SOCS6: variants seen among roughly 807,000 people sequenced by gnomAD.
The protein encoded by SOCS6 is STAT induced STAT inhibitor-4.
In SOCS6, 5 loss-of-function variants were observed where a neutral mutation model predicts 27.7. The observed-to-expected ratio is 0.18, with a 90% CI of 0.09 to 0.38. The LOEUF (loss-of-function observed/expected upper bound fraction) is 0.38. Ranked by LOEUF, SOCS6 falls within the 10% of genes least tolerant of loss-of-function variation. The probability of loss-of-function intolerance (pLI) is 1.00; values close to 1 mark genes in which losing one functional copy is unlikely to be tolerated. For missense variants in SOCS6, 595 were observed against 688.1 expected (o/e 0.86, Z 1.51); for synonymous variants, 271 against 260.0 (o/e 1.04, Z -0.41).
In SOCS6 at chr18:70,324,804, T is replaced by G. The variant is rs775229175; in HGVS notation, c.136T>G (p.Cys46Gly). 1.2e-6 allele frequency: 2 copies of G among 1,614,026 alleles called. No individual in the cohort carries two copies. The highest frequency in any genetic ancestry group is 1.7e-6 in the Non-Finnish European group (2 of 1,180,030). Residue 46 changes from cysteine (C) to glycine (G), a missense_variant, in exon 2 of 2, where the codon TGC (cysteine) becomes GGC (glycine). By Grantham distance (159) the Cys-to-Gly change is radical. Transcript: ENST00000397942. ...FGKDDSLFGS[C>G]YGKDMASCDI... ...AAAAGATGATTCCTTATTTGGTAGC[T>G]GCTATGGTAAAGATATGGCCAGCTG...
At chr18:70,315,409 G>A (rs2062407522) in intron 1 of SOCS6, among the ~76,000 whole-genome samples, 4 of 152,022 alleles carry the variant, frequency 2.6e-5, no homozygotes, top group Admixed American at 1.3e-4. Context: ...AAATTTTGAT[G>A]ATATATATTT....
At chr18:70,324,145 C>CA (rs769059726) in intron 1 of SOCS6, among the ~76,000 whole-genome samples, 4 of 152,030 alleles carry the variant, frequency 2.6e-5, no homozygotes, top group East Asian at 1.9e-4. Flanking sequence ...TATTAAAATA[C>CA]AAAAAACTTA....
At chr18:70,313,066 C>T (rs1454777617) in intron 1 of SOCS6, among the ~76,000 whole-genome samples, 1 of 152,186 alleles carries the variant, frequency 6.6e-6, no homozygotes, top group Non-Finnish European at 1.5e-5. Context: ...AGGCGTGAGC[C>T]ACCACACCGG....
At chr18:70,322,922 G>A (rs1349210700) in intron 1 of SOCS6, among the ~76,000 whole-genome samples, 1 of 152,126 alleles carries the variant, frequency 6.6e-6, no homozygotes. Context: ...CCCACCTTGT[G>A]TACCATTATA....
intron 1 of SOCS6, among the ~76,000 whole-genome samples, chr18:70,323,794 G>C (rs900253638): frequency 1.3e-5 from 2 of 152,190 alleles, no homozygotes; most frequent in Non-Finnish European, 1.5e-5. Flanking sequence ...GACTAGGCTT[G>C]TTATTGCAGT....
At chr18:70,290,467 GA>G (rs2062293694) in intron 1 of SOCS6, among the ~76,000 whole-genome samples, 1 of 152,144 alleles carries the variant, frequency 6.6e-6, no homozygotes, top group African/African-American at 2.4e-5. Context: ...ACAAAAACCG[GA>G]AAAAAAGTCT....
intron 1 of SOCS6, among the ~76,000 whole-genome samples, chr18:70,302,355 A>T (rs2062351910): frequency 6.6e-6 from 1 of 152,088 alleles, no homozygotes; most frequent in African/African-American, 2.4e-5. Flanking sequence ...CCAGGGGTGG[A>T]GAAAAGAGAG....
At position 70,324,737 on chromosome 18, in the gene SOCS6, T is replaced by C. The variant is rs773459364; in HGVS notation, c.69T>C (p.Asp23=). 6 of 1,612,270 alleles carry C rather than the reference T, an allele frequency of 3.7e-6. No homozygotes were observed. In the South Asian group the frequency reaches 6.6e-5, roughly 18 times the overall value. Residue 23 remains aspartate, a synonymous_variant, in exon 2 of 2, where the codon GAT becomes GAC. Coordinates refer to ENST00000397942, the MANE Select transcript of SOCS6 (RefSeq NM_004232.4). ...TGAATAAAAGTAAAGAAGAAACTGA[T>C]TTCATGGTAGTACAACAACCATCGC... The part of the protein sequence containing the change: ...FNLNKSKEET[D]FMVVQQPSLA...
chr18:70,304,377 G>A (rs2062360530), intron 1 of SOCS6, among the ~76,000 whole-genome samples: 1 of 144,290 alleles, frequency 6.9e-6, no homozygotes, highest in Admixed American at 6.8e-5. Context: ...CCTGCAATCG[G>A]GGAAAAAAAA....
Position 70,326,484 on chromosome 18 carries a change from G to T in SOCS6, c.*208G>T. The stretch of plus-strand genomic sequence containing the variant: ...GTTCTTTAAAAAAGGGAAGTCTTGA[G>T]GTTTTAGAGGTGTGAATTATGTTTC... On this transcript the variant is annotated 3_prime_UTR_variant, in exon 2 of 2. Coordinates refer to ENST00000397942, the MANE Select transcript of SOCS6 (RefSeq NM_004232.4). 1.8e-6 allele frequency: 1 copy of T among 558,486 alleles called. No individual in the cohort carries two copies. Among genetic ancestry groups the T allele is most frequent in the Non-Finnish European group, 3.2e-6 (1 of 309,620 alleles). The allele number at this position is 558,486 out of a possible 1,614,324, so 34.6% of individuals were successfully genotyped here. A position where few individuals can be genotyped will look rare whatever the true frequency, so the allele number is the denominator to read the frequency against.
intron 1 of SOCS6, among the ~76,000 whole-genome samples, chr18:70,299,046 C>CG (rs2146265024): frequency 6.6e-6 from 1 of 152,184 alleles, no homozygotes; most frequent in East Asian, 1.9e-4. Flanking sequence ...CGCTTGAACC[C>CG]GGGAGGTGGA....
At chr18:70,292,126 G>A (rs111362312) in intron 1 of SOCS6, among the ~76,000 whole-genome samples, 47 of 152,216 alleles carry the variant, frequency 3.1e-4, no homozygotes, top group African/African-American at 9.9e-4. Context: ...TTAGGTGGCC[G>A]TTGGTCTTGA....
intron 1 of SOCS6, among the ~76,000 whole-genome samples, chr18:70,318,349 A>G (rs1395926670): frequency 6.6e-6 from 1 of 152,192 alleles, no homozygotes; most frequent in Non-Finnish European, 1.5e-5. Flanking sequence ...ATGAATTTAA[A>G]TACAAAAAAA....
At chr18:70,311,945 A>G (rs913522741) in intron 1 of SOCS6, among the ~76,000 whole-genome samples, 1 of 148,456 alleles carries the variant, frequency 6.7e-6, no homozygotes, top group African/African-American at 2.5e-5. Context: ...CAGTTGTGTG[A>G]CTTTAGGCAA....
At chr18:70,307,691 G>A (rs771703804) in intron 1 of SOCS6, among the ~76,000 whole-genome samples, 4 of 151,958 alleles carry the variant, frequency 2.6e-5, no homozygotes, top group Non-Finnish European at 5.9e-5. Flanking sequence ...GATAGTGATA[G>A]CCTTTCTTTC....
chr18:70,315,411 T>C (rs1436265183), intron 1 of SOCS6, among the ~76,000 whole-genome samples: 2 of 152,200 alleles, frequency 1.3e-5, no homozygotes, highest in African/African-American at 4.8e-5. Context: ...ATTTTGATGA[T>C]ATATATTTTG....
intron 1 of SOCS6, among the ~76,000 whole-genome samples, chr18:70,306,860 T>C (rs941455738): frequency 2.0e-5 from 3 of 152,224 alleles, no homozygotes; most frequent in African/African-American, 7.2e-5. Context: ...ATTAGTATGC[T>C]GTAGTGCATC....
Position 70,326,674 on chromosome 18 carries a change from CTA to C in SOCS6, c.*400_*401del, listed in dbSNP as rs1911222291. The stretch of plus-strand genomic sequence containing the variant: ...ATGAAACTTAACAGAATGGAAATTG[CTA>C]TGTCTTTTTAAATGGTCCATTTTCA... On this transcript the variant is annotated 3_prime_UTR_variant, in exon 2 of 2. Coordinates refer to ENST00000397942, the MANE Select transcript of SOCS6 (RefSeq NM_004232.4). 1 of 185,762 alleles carries C rather than the reference CTA, an allele frequency of 5.4e-6. No homozygotes were observed. Among genetic ancestry groups the C allele is most frequent in the Non-Finnish European group, 1.3e-5 (1 of 78,886 alleles). The allele number at this position is 185,762 out of a possible 1,614,324, so 11.5% of individuals were successfully genotyped here.
chr18:70,324,129 C>T (rs575556207), intron 1 of SOCS6, among the ~76,000 whole-genome samples: 43 of 152,068 alleles, frequency 2.8e-4, no homozygotes, highest in African/African-American at 9.9e-4. Flanking sequence ...GATGAAACCC[C>T]GTCTCTATTA....
Sources: allele counts gnomAD v4.1 joint callset (sites outside exome capture counted in the v4.1 genomes callset), GRCh38; gene constraint gnomAD v4.1.1; transcripts MANE v1.5; gene names NCBI Gene and HGNC (gene_info 2026-07-23, HGNC 2026-07-21).